The following GABBR2 variants were observed in gnomAD, a reference collection of about 807,000 sequenced individuals.
GABBR2 encodes gamma-aminobutyric acid type B receptor subunit 2.
In GABBR2, 23 loss-of-function variants were observed where a neutral mutation model predicts 105.6. The observed-to-expected ratio is 0.22, with a 90% CI of 0.16 to 0.31. The LOEUF (loss-of-function observed/expected upper bound fraction) is 0.31. Ranked by LOEUF, GABBR2 falls within the 10% of genes least tolerant of loss-of-function variation. The pLI, the probability that GABBR2 is intolerant of heterozygous loss-of-function variation, is 1.00. For missense variants in GABBR2, 734 were observed against 1,245.5 expected (o/e 0.59, Z 6.18); for synonymous variants, 478 against 499.7 (o/e 0.96, Z 0.58).
chr9:98,432,343 G>C (rs1825827407), intron 7 of GABBR2, among the ~76,000 whole-genome samples: 1 of 152,350 alleles, frequency 6.6e-6, no homozygotes, highest in South Asian at 2.1e-4. Flanking sequence ...GGTGGAGTCA[G>C]CAGGGCTTGG....
intron 1 of GABBR2, among the ~76,000 whole-genome samples, chr9:98,591,941 C>T (rs796250733): frequency 6.6e-6 from 1 of 152,342 alleles, no homozygotes; most frequent in African/African-American, 2.4e-5. Context: ...GCAGGCTATA[C>T]TTTGGCAATA....
At chr9:98,550,847 A>G (rs1828474891) in intron 2 of GABBR2, among the ~76,000 whole-genome samples, 1 of 152,194 alleles carries the variant, frequency 6.6e-6, no homozygotes, top group South Asian at 2.1e-4. Context: ...CAGAGAGTTC[A>G]TAGATACTGG....
intron 7 of GABBR2, among the ~76,000 whole-genome samples, chr9:98,413,677 A>T (rs1832630509): frequency 6.6e-6 from 1 of 152,184 alleles, no homozygotes; most frequent in Non-Finnish European, 1.5e-5. Flanking sequence ...GACAATAAGG[A>T]TGCAGGGGCA....
intron 4 of GABBR2, among the ~76,000 whole-genome samples, 185 bp downstream of exon 4, chr9:98,496,228 G>A (rs1436392845): frequency 6.6e-6 from 1 of 152,242 alleles, no homozygotes; most frequent in Admixed American, 6.5e-5. Flanking sequence ...TCTGGCCAGT[G>A]TTGGAGAGCA....
intron 1 of GABBR2, among the ~76,000 whole-genome samples, chr9:98,612,550 C>A (rs1471023840): frequency 6.6e-6 from 1 of 152,190 alleles, no homozygotes; most frequent in Non-Finnish European, 1.5e-5. Context: ...ATGTGACAAG[C>A]ACTGTTTTAT....
At position 98,425,620 on chromosome 9, in the gene GABBR2, C is replaced by G. The variant is rs535724058; in HGVS notation, c.1237-19479G>C. Among the ~76,000 whole-genome samples the G allele has an allele frequency of 2.6e-5, 4 of 152,308 alleles. No homozygotes were observed. The East Asian group carries it at 7.7e-4, about 29-fold the overall frequency. ...GGTGTTCAAAGGCTCCAAACCTGGG[C>G]AAACCAGGTGGGCCACAGGCCTGGT... On this transcript the variant is annotated intron_variant, in intron 7 of 18. Coordinates refer to ENST00000259455, the MANE Select transcript of GABBR2 (RefSeq NM_005458.8).
chr9:98,607,431 G>A, intron 1 of GABBR2: 1 of 615,252 alleles, frequency 1.6e-6, no homozygotes. Context: ...CACACCAGAG[G>A]AATGCTAACA....
chr9:98,297,677 A>G (rs1180367522), intron 17 of GABBR2, among the ~76,000 whole-genome samples: 1 of 151,928 alleles, frequency 6.6e-6, no homozygotes, highest in Non-Finnish European at 1.5e-5. Context: ...ATATTATAAC[A>G]AATTGATGAA....
At chr9:98,623,904 A>G (rs144703336) in intron 1 of GABBR2, among the ~76,000 whole-genome samples, 175 of 152,248 alleles carry the variant, frequency 1.1e-3, no homozygotes, top group African/African-American at 4.0e-3. Context: ...TCTGCCTACC[A>G]CAGTCTTCTT....
chr9:98,591,065 AAC>A (rs1829139565), intron 1 of GABBR2, among the ~76,000 whole-genome samples: 1 of 152,236 alleles, frequency 6.6e-6, no homozygotes, highest in Admixed American at 6.5e-5. Flanking sequence ...AAAAAGCCAT[AAC>A]ACAGGGCAGG....
At chr9:98,321,039 C>T (rs751290331) in intron 13 of GABBR2, among the ~76,000 whole-genome samples, 1 of 151,954 alleles carries the variant, frequency 6.6e-6, no homozygotes, top group African/African-American at 2.4e-5. Flanking sequence ...GTAAGGGGAC[C>T]ACTGGTGCAT....
intron 14 of GABBR2, among the ~76,000 whole-genome samples, chr9:98,309,372 A>C (rs916861543): frequency 2.0e-5 from 3 of 152,236 alleles, no homozygotes; most frequent in Non-Finnish European, 2.9e-5. Flanking sequence ...TCTCAGAATC[A>C]AGGAACATTA....
intron 7 of GABBR2, among the ~76,000 whole-genome samples, chr9:98,436,367 A>ACACAC (rs1825919066): frequency 9.3e-5 from 1 of 10,782 alleles, no homozygotes; most frequent in Non-Finnish European, 1.9e-4. Flanking sequence ...ATATATATAT[A>ACACAC]TATATATATA....
chr9:98,308,415 C>A (rs1177955934), intron 14 of GABBR2, among the ~76,000 whole-genome samples: 1 of 152,196 alleles, frequency 6.6e-6, no homozygotes, highest in African/African-American at 2.4e-5. Context: ...TCTAGAAAAG[C>A]ACTCCATCTG....
intron 7 of GABBR2, among the ~76,000 whole-genome samples, chr9:98,437,392 A>G (rs1437268948): frequency 6.6e-6 from 1 of 151,288 alleles, no homozygotes; most frequent in African/African-American, 2.4e-5. Context: ...CAATACAACC[A>G]CCGTCTATCC....
At chr9:98,402,867 C>T (rs1057137856) in intron 8 of GABBR2, among the ~76,000 whole-genome samples, 1 of 152,116 alleles carries the variant, frequency 6.6e-6, no homozygotes, top group South Asian at 2.1e-4. Flanking sequence ...AGATAAGGCA[C>T]CTCTGAAACC....
chr9:98,314,351 G>C, intron 13 of GABBR2, among the ~76,000 whole-genome samples: 1 of 152,190 alleles, frequency 6.6e-6, no homozygotes, highest in East Asian at 1.9e-4. Flanking sequence ...TCCAGTGTGT[G>C]ACAATCAGGC....
At chr9:98,322,844 G>A (rs531550972) in intron 13 of GABBR2, among the ~76,000 whole-genome samples, 2 of 152,174 alleles carry the variant, frequency 1.3e-5, no homozygotes, top group African/African-American at 4.8e-5. Flanking sequence ...TTTTTCGGGA[G>A]GACTTAGTCT....
chr9:98,317,949 C>T (rs1192584188), intron 13 of GABBR2, among the ~76,000 whole-genome samples: 2 of 152,130 alleles, frequency 1.3e-5, no homozygotes, highest in East Asian at 3.9e-4. Flanking sequence ...CCTGGGATGG[C>T]TACTCTGCAG....
Sources: allele counts gnomAD v4.1 joint callset (sites outside exome capture counted in the v4.1 genomes callset), GRCh38; gene constraint gnomAD v4.1.1; transcripts MANE v1.5; gene names NCBI Gene and HGNC (gene_info 2026-07-23, HGNC 2026-07-21).